The following TRAPPC9 variants were observed in gnomAD, a reference collection of about 807,000 sequenced individuals.
TRAPPC9 encodes trafficking protein particle complex subunit 9.
Under a neutral mutation model 124.0 loss-of-function variants are expected in TRAPPC9, and 83 were observed. That is an observed-to-expected ratio of 0.67 (90% confidence interval 0.56 to 0.80). The LOEUF is 0.80. TRAPPC9 is among the 30% of genes least tolerant of loss of function. TRAPPC9 has a pLI of 0.00. For missense variants in TRAPPC9, 1,302 were observed against 1,508.3 expected, an observed-to-expected ratio of 0.86 and a Z score of 2.27; for synonymous variants, 638 against 617.5, an observed-to-expected ratio of 1.03 and a Z score of -0.49.
intron 21 of TRAPPC9, among the ~76,000 whole-genome samples, chr8:139,837,583 C>T (rs1287367999): frequency 6.6e-6 from 1 of 152,242 alleles, no homozygotes; most frequent in Non-Finnish European, 1.5e-5. Context: ...GGTGGCCTCG[C>T]AGAGACCCAT....
chr8:140,117,433 T>C (rs1055378103), intron 17 of TRAPPC9, among the ~76,000 whole-genome samples: 4 of 152,120 alleles, frequency 2.6e-5, no homozygotes, highest in African/African-American at 9.7e-5. Flanking sequence ...GAGCCTGGTT[T>C]CTCTGCTTGC....
rs931969786 is a variant in TRAPPC9, at chr8:140,080,618, A to G, written c.2557-56539T>C. 3.9e-5 allele frequency among the ~76,000 whole-genome samples: 6 copies of G among 152,220 alleles called. No homozygotes were observed. The South Asian group carries it at 8.3e-4, about 21-fold the overall frequency. ...ATGACAGCGAGAACTCTCTCAGGAG[A>G]CAGCACCAATCTATTCCGGAGGGTT... On this transcript the variant is annotated intron_variant, in intron 17 of 22. Coordinates refer to ENST00000438773, the MANE Select transcript of TRAPPC9 (RefSeq NM_001160372.4).
Position 140,421,503 on chromosome 8 carries a change from C to G in TRAPPC9, c.886+5112G>C, listed in dbSNP as rs553684372. On this transcript the variant is annotated intron_variant, in intron 5 of 22. Transcript: ENST00000438773. ...GTCTTTACAAAATTCCAGGCTTTTT[C>G]TATACATCTGAGAGATATTTCTATA... 2.0e-5 allele frequency among the ~76,000 whole-genome samples: 3 copies of G among 152,210 alleles called. No individual in the cohort carries two copies. The South Asian group carries it at 6.2e-4, about 32-fold the overall frequency.
intron 17 of TRAPPC9, among the ~76,000 whole-genome samples, chr8:140,171,266 A>G (rs1274000194): frequency 6.6e-6 from 1 of 152,242 alleles, no homozygotes; most frequent in Non-Finnish European, 1.5e-5. Context: ...AAAAATACCT[A>G]TCTCACTATA....
At chr8:139,763,678 GCACA>G (rs1326237393) in intron 21 of TRAPPC9, among the ~76,000 whole-genome samples, 3 of 152,248 alleles carry the variant, frequency 2.0e-5, no homozygotes, top group East Asian at 1.9e-4. Context: ...ACGCACGCGT[GCACA>G]CACACGTCGA....
intron 21 of TRAPPC9, among the ~76,000 whole-genome samples, chr8:139,797,803 G>C (rs1036077263): frequency 6.6e-6 from 1 of 152,136 alleles, no homozygotes; most frequent in African/African-American, 2.4e-5. Context: ...AAATCGCTTG[G>C]CCGTAAATGC....
At chr8:140,392,499 T>C (rs1285381147) in intron 7 of TRAPPC9, among the ~76,000 whole-genome samples, 6 of 152,228 alleles carry the variant, frequency 3.9e-5, no homozygotes, top group South Asian at 2.1e-4. Context: ...TCTATGTTTA[T>C]GTTTATCTGC....
At position 140,447,794 on chromosome 8, in the gene TRAPPC9, TACC is replaced by T. The variant is rs565694452; in HGVS notation, c.584+2993_584+2995del. On this transcript the variant is annotated intron_variant, in intron 2 of 22. Coordinates refer to ENST00000438773, the MANE Select transcript of TRAPPC9 (RefSeq NM_001160372.4). ...TTCAGGTTGGACACTTCCTCACTCC[TACC>T]AAGAGCTGCAGGGGAGACAAGGCTT... Among the ~76,000 whole-genome samples the T allele has an allele frequency of 9.3e-4, 141 of 152,266 alleles. 4 individuals are homozygous for T. The South Asian group carries it at 0.028, about 31-fold the overall frequency.
At chr8:140,023,781 C>G (rs1839956279) in intron 18 of TRAPPC9, among the ~76,000 whole-genome samples, 156 bp downstream of exon 18, 1 of 152,188 alleles carries the variant, frequency 6.6e-6, no homozygotes, top group African/African-American at 2.4e-5. Context: ...ACCTGGTTTC[C>G]TAAAGAAAAA....
At chr8:140,134,166 C>T (rs1033188302) in intron 17 of TRAPPC9, among the ~76,000 whole-genome samples, 1 of 152,098 alleles carries the variant, frequency 6.6e-6, no homozygotes, top group Non-Finnish European at 1.5e-5. Context: ...CACGGTAATA[C>T]AAACATTGTG....
At chr8:139,777,502 A>G (rs1563805975) in intron 21 of TRAPPC9, among the ~76,000 whole-genome samples, 1 of 152,236 alleles carries the variant, frequency 6.6e-6, no homozygotes, top group South Asian at 2.1e-4. Context: ...GGCGAGGTCA[A>G]CATTTCCTGA....
chr8:140,428,470 C>A (rs1478685171), intron 4 of TRAPPC9, among the ~76,000 whole-genome samples: 1 of 152,144 alleles, frequency 6.6e-6, no homozygotes, highest in Admixed American at 6.5e-5. Flanking sequence ...ACAGAGGATG[C>A]CCTCACACAC....
At chr8:140,181,732 G>A (rs1487295454) in intron 17 of TRAPPC9, among the ~76,000 whole-genome samples, 2 of 151,964 alleles carry the variant, frequency 1.3e-5, no homozygotes, top group African/African-American at 2.4e-5. Flanking sequence ...TCTTTCCTGA[G>A]GTATAAATTC....
At chr8:140,046,242 G>A (rs78581000) in intron 17 of TRAPPC9, among the ~76,000 whole-genome samples, 2 of 152,256 alleles carry the variant, frequency 1.3e-5, no homozygotes, top group African/African-American at 4.8e-5. Context: ...TGGATGCTCC[G>A]TGTGTTGTCC....
At chr8:139,818,140 C>A (rs1452733942) in intron 21 of TRAPPC9, among the ~76,000 whole-genome samples, 1 of 152,206 alleles carries the variant, frequency 6.6e-6, no homozygotes, top group African/African-American at 2.4e-5. Flanking sequence ...TGACTGACCT[C>A]GGGGCTTTCT....
At chr8:140,385,158 A>G (rs1476744225) in intron 7 of TRAPPC9, among the ~76,000 whole-genome samples, 1 of 152,252 alleles carries the variant, frequency 6.6e-6, no homozygotes, top group Non-Finnish European at 1.5e-5. Flanking sequence ...TCTCTGGGAC[A>G]CATTCAAAGC....
chr8:140,436,476 A>C (rs2070818033), intron 3 of TRAPPC9, among the ~76,000 whole-genome samples: 1 of 152,280 alleles, frequency 6.6e-6, no homozygotes, highest in Non-Finnish European at 1.5e-5. Flanking sequence ...ACATTTCTTT[A>C]ATATCAGAGT....
intron 17 of TRAPPC9, among the ~76,000 whole-genome samples, chr8:140,198,338 G>A (rs925807011): frequency 6.6e-6 from 1 of 152,122 alleles, no homozygotes; most frequent in Non-Finnish European, 1.5e-5. Flanking sequence ...TAGGAGTCAC[G>A]CAGATGGAGG....
chr8:139,829,217 CT>C (rs1230060815), intron 21 of TRAPPC9, among the ~76,000 whole-genome samples: 8 of 152,364 alleles, frequency 5.3e-5, no homozygotes, highest in African/African-American at 1.7e-4. Context: ...GGTATAAAGT[CT>C]TTGCTCTCTC....
Sources: allele counts gnomAD v4.1 joint callset (sites outside exome capture counted in the v4.1 genomes callset), GRCh38; gene constraint gnomAD v4.1.1; transcripts MANE v1.5; gene names NCBI Gene and HGNC (gene_info 2026-07-23, HGNC 2026-07-21).